GRIK2: variants seen among roughly 807,000 people sequenced by gnomAD.
GRIK2 encodes glutamate receptor ionotropic, kainate 2.
In GRIK2, 32 loss-of-function variants were observed where a neutral mutation model predicts 100.3. The ratio of observed to expected loss-of-function variants is 0.32; its 90% CI spans 0.24 to 0.43. The LOEUF (loss-of-function observed/expected upper bound fraction) is 0.43, where lower values mean the gene tolerates loss of function less well. GRIK2 is among the 20% of genes least tolerant of loss of function. The probability of loss-of-function intolerance (pLI) is 1.00; values close to 1 mark genes in which losing one functional copy is unlikely to be tolerated. For synonymous variants in GRIK2, 417 were observed against 389.4 expected (o/e 1.07, Z -0.83); for missense variants, 843 against 1,114.9 (o/e 0.76, Z 3.47).
intron 16 of GRIK2, chr6:102,065,707 C>G: frequency 1.4e-6 from 1 of 722,102 alleles, no homozygotes; most frequent in East Asian, 3.1e-5. Context: ...TTCAATGTTA[C>G]ACGTCCTATA....
chr6:101,990,010 A>G (rs1236595222), intron 14 of GRIK2, among the ~76,000 whole-genome samples: 1 of 151,728 alleles, frequency 6.6e-6, no homozygotes, highest in Non-Finnish European at 1.5e-5. Flanking sequence ...CAAAGAAACA[A>G]GTCATCTTCC....
chr6:101,916,539 T>C (rs1335394569), intron 12 of GRIK2, among the ~76,000 whole-genome samples: 1 of 151,614 alleles, frequency 6.6e-6, no homozygotes, highest in African/African-American at 2.4e-5. Flanking sequence ...ATCATAGGAA[T>C]TCCCTTTTCT....
intron 2 of GRIK2, among the ~76,000 whole-genome samples, chr6:101,592,181 A>G (rs114803988): frequency 0.015 from 2,288 of 152,034 alleles, 61 homozygotes; most frequent in African/African-American, 0.052. Context: ...CCAAAATTAA[A>G]CTTTTTCTTT....
At chr6:101,865,703 A>T (rs544724532) in intron 11 of GRIK2, among the ~76,000 whole-genome samples, 2 of 152,168 alleles carry the variant, frequency 1.3e-5, no homozygotes, top group African/African-American at 4.8e-5. Context: ...CCTGGCCAAC[A>T]TGGTGAAAAC....
At chr6:101,562,112 C>A (rs1777049793) in intron 2 of GRIK2, among the ~76,000 whole-genome samples, 1 of 152,092 alleles carries the variant, frequency 6.6e-6, no homozygotes, top group African/African-American at 2.4e-5. Flanking sequence ...TGGCTCAGTG[C>A]ATGTCTGTGA....
At chr6:101,551,560 A>G (rs939197888) in intron 2 of GRIK2, among the ~76,000 whole-genome samples, 6 of 152,060 alleles carry the variant, frequency 3.9e-5, no homozygotes, top group African/African-American at 1.4e-4. Context: ...GATGAATCTC[A>G]ATTATTTTCA....
chr6:101,567,007 A>T (rs958873413), intron 2 of GRIK2, among the ~76,000 whole-genome samples: 21 of 151,250 alleles, frequency 1.4e-4, no homozygotes, highest in African/African-American at 4.8e-4. Flanking sequence ...TCTATTAAAT[A>T]AAAATTTCTT....
At chr6:101,456,364 A>G (rs998419068) in intron 2 of GRIK2, among the ~76,000 whole-genome samples, 1 of 152,160 alleles carries the variant, frequency 6.6e-6, no homozygotes, top group African/African-American at 2.4e-5. Flanking sequence ...TTTACATTCA[A>G]TGTTGCTTGG....
At chr6:101,669,311 T>A (rs1390313446) in intron 4 of GRIK2, among the ~76,000 whole-genome samples, 1 of 152,204 alleles carries the variant, frequency 6.6e-6, no homozygotes, top group Non-Finnish European at 1.5e-5. Flanking sequence ...TGTTTGTTTG[T>A]AAATTATTTA....
chr6:101,910,366 A>G (rs2791766), intron 12 of GRIK2, among the ~76,000 whole-genome samples: 1 of 150,828 alleles, frequency 6.6e-6, no homozygotes, highest in African/African-American at 2.4e-5. Flanking sequence ...TTTAAATTTG[A>G]GTCAATTGTT....
chr6:101,976,870 T>C lies in GRIK2; in HGVS notation c.2085+48238T>C, dbSNP rs988787290. On this transcript the variant is annotated intron_variant, in intron 14 of 16. Coordinates refer to ENST00000369134, the MANE Select transcript of GRIK2 (RefSeq NM_021956.5). ...ATAAGTAAGAGGACAGAATTTGTAG[T>C]TGTGCAGTAGAATGACTTACTGAAG... 7.3e-5 allele frequency among the ~76,000 whole-genome samples: 11 copies of C among 151,470 alleles called. 1 individual carries two copies. The highest frequency in any genetic ancestry group is 1.5e-4 in the Non-Finnish European group (10 of 67,914).
chr6:101,869,528 G>A (rs1415993142), intron 11 of GRIK2, among the ~76,000 whole-genome samples: 3 of 151,538 alleles, frequency 2.0e-5, no homozygotes, highest in Admixed American at 1.3e-4. Context: ...TATTTTTTAC[G>A]TATTTTATTA....
chr6:101,465,020 G>A (rs1164918308), intron 2 of GRIK2, among the ~76,000 whole-genome samples: 1 of 152,102 alleles, frequency 6.6e-6, no homozygotes, highest in Admixed American at 6.5e-5. Context: ...CCCTTTAATA[G>A]TTCCAAAAAA....
At chr6:101,668,755 A>G (rs1215328709) in intron 4 of GRIK2, among the ~76,000 whole-genome samples, 2 of 152,178 alleles carry the variant, frequency 1.3e-5, no homozygotes, top group East Asian at 1.9e-4. Flanking sequence ...ATACCTGGGT[A>G]TGGGAGGAAA....
At chr6:101,397,747 C>G (rs1418291241) in intron 1 of GRIK2, among the ~76,000 whole-genome samples, 2 of 152,074 alleles carry the variant, frequency 1.3e-5, no homozygotes, top group African/African-American at 2.4e-5. Flanking sequence ...AATTAGCCTT[C>G]AGATAGGATA....
chr6:102,068,467 A>G lies in GRIK2; in HGVS notation c.2683A>G (p.Thr895Ala), dbSNP rs1319913991. ...VKTEEVINMH[T>A]FNDRRLPGKE... The stretch of plus-strand genomic sequence containing the variant: ...AACAGAAGAAGTTATCAACATGCAC[A>G]CATTTAACGACAGAAGGTTGCCAGG... Residue 895 changes from threonine (T) to alanine (A), a missense_variant, in exon 17 of 17, where the codon ACA becomes GCA. By Grantham distance (58) the Thr-to-Ala change is moderately conservative. Transcript: ENST00000369134. 6.2e-7 allele frequency: 1 copy of G among 1,612,024 alleles called. No homozygotes were observed. The highest frequency in any genetic ancestry group is 1.1e-5 in the South Asian group (1 of 91,036).
chr6:101,976,426 GTGGCT>G (rs1793383842), intron 14 of GRIK2, among the ~76,000 whole-genome samples: 1 of 151,958 alleles, frequency 6.6e-6, no homozygotes, highest in Non-Finnish European at 1.5e-5. Context: ...TCTGGGTGTG[GTGGCT>G]CATGCCTGTA....
At chr6:101,560,023 G>T (rs1382244600) in intron 2 of GRIK2, among the ~76,000 whole-genome samples, 2 of 152,130 alleles carry the variant, frequency 1.3e-5, no homozygotes, top group Non-Finnish European at 2.9e-5. Context: ...CCAACTTGAT[G>T]AAGCTTCATA....
At chr6:101,638,144 C>A (rs369819713) in intron 4 of GRIK2, among the ~76,000 whole-genome samples, 1 of 151,174 alleles carries the variant, frequency 6.6e-6, no homozygotes, top group African/African-American at 2.4e-5. Flanking sequence ...AAATATCTTA[C>A]AATTTATTTA....
Sources: gnomAD v4.1 joint callset for allele counts (sites outside exome capture counted in the v4.1 genomes callset) on GRCh38, gnomAD v4.1.1 for gene constraint, MANE v1.5 for transcripts, NCBI Gene and HGNC (gene_info 2026-07-23, HGNC 2026-07-21) for gene names.